The following C17orf114 variants were observed in gnomAD, a reference collection of about 807,000 sequenced individuals.
C17orf114 encodes chromosome 17 open reading frame 114.
upstream of C17orf114, among the ~76,000 whole-genome samples, chr17:4,803,415 A>AT (rs1905562005): frequency 8.1e-5 from 9 of 111,528 alleles, no homozygotes; most frequent in South Asian, 6.2e-4. Flanking sequence ...TGTTTTTTTT[A>AT]ATTTTTTTTT....
At chr17:4,803,348 G>A (rs1261501094), upstream of C17orf114, among the ~76,000 whole-genome samples, 1 of 150,856 alleles carries the variant, frequency 6.6e-6, no homozygotes, top group Non-Finnish European at 1.5e-5. Context: ...TAGCCGAGTA[G>A]GAACCATGCC....
upstream of C17orf114, among the ~76,000 whole-genome samples, chr17:4,805,961 A>G (rs533682073): frequency 2.6e-5 from 4 of 151,948 alleles, no homozygotes; most frequent in Admixed American, 1.3e-4. Flanking sequence ...TCAAAAAAAG[A>G]AAAAAAAAGA....
chr17:4,801,961 C>T (rs1447225695), intron 1 of C17orf114, among the ~76,000 whole-genome samples: 1 of 152,074 alleles, frequency 6.6e-6, no homozygotes, highest in Non-Finnish European at 1.5e-5. Context: ...CATCCCCTGA[C>T]CTCGTGATCT....
upstream of C17orf114, among the ~76,000 whole-genome samples, chr17:4,803,906 G>C (rs1484918026): frequency 1.3e-5 from 2 of 151,508 alleles, no homozygotes; most frequent in Non-Finnish European, 2.9e-5. Flanking sequence ...ATTTTTAGTA[G>C]AGATGGGCTT....
upstream of C17orf114, among the ~76,000 whole-genome samples, chr17:4,803,634 G>A (rs1466340872): frequency 6.6e-6 from 1 of 151,422 alleles, no homozygotes; most frequent in East Asian, 2.0e-4. Flanking sequence ...CACCGTGTTA[G>A]CCAGGATGGT....
chr17:4,803,600 G>A (rs956654065), upstream of C17orf114, among the ~76,000 whole-genome samples: 3 of 150,464 alleles, frequency 2.0e-5, no homozygotes, highest in Non-Finnish European at 4.4e-5. Context: ...AATTTTTTTT[G>A]TATTTTTAGT....
intron 1 of C17orf114, among the ~76,000 whole-genome samples, chr17:4,801,707 C>G (rs962608169): frequency 6.6e-6 from 1 of 151,802 alleles, no homozygotes; most frequent in Non-Finnish European, 1.5e-5. Context: ...TGGCATAGGT[C>G]TCTGCTGTCA....
At chr17:4,802,496 A>G (rs139142081), upstream of C17orf114, among the ~76,000 whole-genome samples, 2 of 152,142 alleles carry the variant, frequency 1.3e-5, no homozygotes, top group African/African-American at 4.8e-5. Flanking sequence ...GTGGGGGTAC[A>G]CTCCCATTCA....
upstream of C17orf114, among the ~76,000 whole-genome samples, chr17:4,804,630 C>A (rs955652037): frequency 2.0e-5 from 3 of 147,958 alleles, no homozygotes; most frequent in Non-Finnish European, 4.5e-5. Flanking sequence ...GAGACAGTCT[C>A]ACTCTGTCAC....
upstream of C17orf114, among the ~76,000 whole-genome samples, chr17:4,804,697 C>T (rs558559444): frequency 6.6e-6 from 1 of 150,636 alleles, no homozygotes; most frequent in East Asian, 2.0e-4. Flanking sequence ...CTCCCTGGTT[C>T]AAATGATTCT....
intron 1 of C17orf114, among the ~76,000 whole-genome samples, chr17:4,801,836 T>C (rs1042798545): frequency 9.2e-5 from 14 of 151,896 alleles, no homozygotes; most frequent in African/African-American, 3.4e-4. Context: ...GTTCAAGTGA[T>C]TCTCCTGCCT....
At chr17:4,804,511 C>T (rs1597313287), upstream of C17orf114, among the ~76,000 whole-genome samples, 1 of 149,884 alleles carries the variant, frequency 6.7e-6, no homozygotes, top group Admixed American at 6.7e-5. Context: ...GCCACAAGTG[C>T]TGTTTCATCA....
At chr17:4,802,072 G>A (rs995142207) in intron 1 of C17orf114, among the ~76,000 whole-genome samples, 175 bp downstream of exon 1, 3 of 152,114 alleles carry the variant, frequency 2.0e-5, no homozygotes, top group Admixed American at 6.6e-5. Context: ...TGGTCATTTC[G>A]AACTGGGCCC....
chr17:4,806,178 T>C (rs1342164937), upstream of C17orf114, among the ~76,000 whole-genome samples: 1 of 152,040 alleles, frequency 6.6e-6, no homozygotes, highest in Non-Finnish European at 1.5e-5. Context: ...ACTGACAATA[T>C]CCAACGTTGG....
At chr17:4,803,599 TG>T (rs1210333882), upstream of C17orf114, among the ~76,000 whole-genome samples, 3 of 151,192 alleles carry the variant, frequency 2.0e-5, no homozygotes, top group Non-Finnish European at 4.4e-5. Flanking sequence ...TAATTTTTTT[TG>T]TATTTTTAGT....
At chr17:4,804,495 C>T (rs1195265410), upstream of C17orf114, among the ~76,000 whole-genome samples, 1 of 151,874 alleles carries the variant, frequency 6.6e-6, no homozygotes, top group Non-Finnish European at 1.5e-5. Context: ...TGAGCCACTG[C>T]GCCCAGCCAC....
At chr17:4,805,686 T>A (rs921641627), upstream of C17orf114, among the ~76,000 whole-genome samples, 1 of 143,040 alleles carries the variant, frequency 7.0e-6, no homozygotes, top group Non-Finnish European at 1.5e-5. Flanking sequence ...GCGCGGTGGC[T>A]CACGCCTGTA....
upstream of C17orf114, among the ~76,000 whole-genome samples, chr17:4,806,254 T>C (rs556441785): frequency 6.6e-6 from 1 of 152,272 alleles, no homozygotes; most frequent in East Asian, 1.9e-4. Flanking sequence ...AAAAACCATT[T>C]AGAAAAAAAT....
At chr17:4,803,412 T>C (rs1905561275), upstream of C17orf114, among the ~76,000 whole-genome samples, 1 of 138,418 alleles carries the variant, frequency 7.2e-6, no homozygotes, top group Admixed American at 9.0e-5. Context: ...TATTGTTTTT[T>C]TTAATTTTTT....
Sources: gnomAD v4.1 joint callset for allele counts (sites outside exome capture counted in the v4.1 genomes callset) on GRCh38, gnomAD v4.1.1 for gene constraint, MANE v1.5 for transcripts, NCBI Gene and HGNC (gene_info 2026-07-23, HGNC 2026-07-21) for gene names.